TENM3: variants seen among roughly 807,000 people sequenced by gnomAD.
TENM3 encodes teneurin transmembrane protein 3, also known as teneurin-3.
Under a neutral mutation model 255.1 loss-of-function variants are expected in TENM3, and 63 were observed. That is an observed-to-expected ratio of 0.25 (90% CI 0.20 to 0.30). TENM3 has a LOEUF of 0.30. Ranked by LOEUF, TENM3 falls within the 10% of genes least tolerant of loss-of-function variation. The probability of loss-of-function intolerance (pLI) is 1.00; values close to 1 mark genes in which losing one functional copy is unlikely to be tolerated. For missense variants in TENM3, 2,929 were observed against 3,461.1 expected (o/e 0.85, Z 3.86); for synonymous variants, 1,306 against 1,322.3 (o/e 0.99, Z 0.27).
chr4:181,543,755 C>T, the TENM3 span, among the ~76,000 whole-genome samples: 1 of 152,260 alleles, frequency 6.6e-6, no homozygotes, highest in Non-Finnish European at 1.5e-5. Context: ...TTTAGTGTTT[C>T]GTATTAGGCT....
chr4:181,449,564 A>G, the TENM3 span, among the ~76,000 whole-genome samples: 6 of 152,166 alleles, frequency 3.9e-5, no homozygotes, highest in African/African-American at 1.4e-4. Context: ...CAGGCAGGTC[A>G]CCTGAGGTCA....
the TENM3 span, among the ~76,000 whole-genome samples, chr4:181,909,155 A>G: frequency 6.6e-6 from 1 of 152,282 alleles, no homozygotes; most frequent in African/African-American, 2.4e-5. Flanking sequence ...TACACACCTT[A>G]TCAATTCCCA....
the TENM3 span, among the ~76,000 whole-genome samples, chr4:182,062,156 C>A: frequency 6.6e-6 from 1 of 152,106 alleles, no homozygotes; most frequent in African/African-American, 2.4e-5. Flanking sequence ...CAAACACACG[C>A]TGGTAGTACT....
intron 22 of TENM3, among the ~76,000 whole-genome samples, chr4:182,761,817 G>A (rs1429481920): frequency 6.6e-6 from 1 of 152,066 alleles, no homozygotes; most frequent in African/African-American, 2.4e-5. Context: ...GAATCAAATA[G>A]TTTATTTCTA....
chr4:182,161,815 G>A (rs111733801), intron 1 of TENM3, among the ~76,000 whole-genome samples: 4 of 30,398 alleles, frequency 1.3e-4, no homozygotes, highest in Non-Finnish European at 2.2e-4. Flanking sequence ...ACATATATAT[G>A]TATATATATA....
At chr4:181,523,419 T>TA in the TENM3 span, among the ~76,000 whole-genome samples, 37,305 of 144,326 alleles carry the variant, frequency 0.26, 5,564 homozygotes, top group Non-Finnish European at 0.36. Context: ...ATTTTAAAAT[T>TA]AAAAAAAAAA....
At chr4:181,672,745 C>T in the TENM3 span, among the ~76,000 whole-genome samples, 1 of 152,138 alleles carries the variant, frequency 6.6e-6, no homozygotes, top group African/African-American at 2.4e-5. Flanking sequence ...TTTATATGTG[C>T]CAGGAACTGT....
At chr4:182,570,913 A>G (rs1744295175) in intron 3 of TENM3, among the ~76,000 whole-genome samples, 2 of 152,098 alleles carry the variant, frequency 1.3e-5, no homozygotes, top group Admixed American at 1.3e-4. Context: ...GCGTGTGTTT[A>G]TCCTGGGTCA....
chr4:182,686,891 T>C (rs1398000950), intron 11 of TENM3, among the ~76,000 whole-genome samples: 2 of 152,126 alleles, frequency 1.3e-5, no homozygotes, highest in East Asian at 3.8e-4. Context: ...CAAACTATCT[T>C]GAATCTCTTA....
chr4:182,574,164 C>T (rs536841260), intron 3 of TENM3, among the ~76,000 whole-genome samples: 2 of 152,128 alleles, frequency 1.3e-5, no homozygotes, highest in South Asian at 2.1e-4. Flanking sequence ...TTGGAAATTT[C>T]GTTTGGTTAT....
intron 3 of TENM3, among the ~76,000 whole-genome samples, chr4:182,452,716 C>G (rs555931100): frequency 6.6e-6 from 1 of 152,090 alleles, no homozygotes; most frequent in Non-Finnish European, 1.5e-5. Flanking sequence ...TTTTAAAGCC[C>G]AAGTAACACA....
the TENM3 span, among the ~76,000 whole-genome samples, chr4:182,077,594 C>T: frequency 2.0e-5 from 3 of 152,262 alleles, no homozygotes; most frequent in South Asian, 4.2e-4. Context: ...GGAAGGACTT[C>T]CCTGAGGAAG....
chr4:182,245,699 G>A (rs1757592450), intron 1 of TENM3, among the ~76,000 whole-genome samples: 1 of 152,174 alleles, frequency 6.6e-6, no homozygotes, highest in Admixed American at 6.5e-5. Flanking sequence ...CACGGCCATA[G>A]GACTGAAAAC....
intron 3 of TENM3, among the ~76,000 whole-genome samples, chr4:182,597,215 C>T (rs759063981): frequency 4.6e-5 from 7 of 152,076 alleles, no homozygotes; most frequent in African/African-American, 7.2e-5. Context: ...CTGGCCTGGG[C>T]AACATAGGGA....
At chr4:182,552,892 T>C (rs534254814) in intron 3 of TENM3, among the ~76,000 whole-genome samples, 49 of 152,234 alleles carry the variant, frequency 3.2e-4, no homozygotes, top group Middle Eastern at 3.4e-3. Flanking sequence ...GTGACTGAAT[T>C]TAGGGATTAA....
Position 182,653,908 on chromosome 4 carries a change from T to C in TENM3, c.1111+15T>C, listed in dbSNP as rs1222391884. On this transcript the variant is annotated intron_variant, in intron 6 of 27. Transcript: ENST00000511685. ...TGGAGACAATGGTAAGCGAAAGAATTATGTATCCTGTGTTTCTCTTTTAAC... is the reference window on the plus strand; with the variant it reads ...TGGAGACAATGGTAAGCGAAAGAATCATGTATCCTGTGTTTCTCTTTTAAC... The C allele has an allele frequency of 1.1e-5, 18 of 1,601,910 alleles. No homozygotes were observed. Among genetic ancestry groups the C allele is most frequent in the Middle Eastern group, 1.7e-4 (1 of 6,040 alleles).
chr4:182,047,510 C>T, the TENM3 span, among the ~76,000 whole-genome samples: 9 of 127,870 alleles, frequency 7.0e-5, 1 homozygote, highest in South Asian at 9.8e-4. Context: ...TGCAGTGAGC[C>T]GAGAGTGCAC....
At chr4:181,826,373 A>C in the TENM3 span, among the ~76,000 whole-genome samples, 1 of 152,228 alleles carries the variant, frequency 6.6e-6, no homozygotes, top group Non-Finnish European at 1.5e-5. Flanking sequence ...ATCAGTAGTA[A>C]AACTATTAAG....
the TENM3 span, among the ~76,000 whole-genome samples, chr4:182,018,357 G>A: frequency 6.7e-6 from 1 of 148,950 alleles, no homozygotes; most frequent in South Asian, 2.2e-4. Context: ...CTAACTCAGA[G>A]ATGTAAGCTC....
Sources: gnomAD v4.1 joint callset for allele counts (sites outside exome capture counted in the v4.1 genomes callset) on GRCh38, gnomAD v4.1.1 for gene constraint, MANE v1.5 for transcripts, NCBI Gene and HGNC (gene_info 2026-07-23, HGNC 2026-07-21) for gene names.